Variants in BRCA1 observed in about 807,000 individuals in gnomAD.
The protein encoded by BRCA1 is BRCA1 DNA repair associated, also known as breast cancer type 1 susceptibility protein.
In BRCA1, 140 loss-of-function variants were observed where a neutral mutation model predicts 173.7. The ratio of observed to expected loss-of-function variants is 0.81; its 90% CI spans 0.70 to 0.93. BRCA1 has a LOEUF of 0.93. Among genes scored for constraint, BRCA1 ranks in the 40% least tolerant of loss-of-function variants. BRCA1 has a pLI of 0.00. For missense variants in BRCA1, 1,983 were observed against 2,172.5 expected (o/e 0.91, Z 1.73); for synonymous variants, 662 against 756.0 (o/e 0.88, Z 2.04).
chr17:43,081,214 T>C (rs1476568087), intron 12 of BRCA1, among the ~76,000 whole-genome samples: 1 of 152,210 alleles, frequency 6.6e-6, no homozygotes, highest in East Asian at 1.9e-4. Flanking sequence ...AGAAGAGTAT[T>C]ATACTGGGGA....
At chr17:43,123,323 T>C (rs2055670731) in intron 2 of BRCA1, among the ~76,000 whole-genome samples, 1 of 150,430 alleles carries the variant, frequency 6.6e-6, no homozygotes, top group East Asian at 2.0e-4. Flanking sequence ...CAAATACCTA[T>C]CCTCTCAACG....
chr17:43,084,999 A>G (rs1297096799), intron 11 of BRCA1, among the ~76,000 whole-genome samples: 1 of 152,210 alleles, frequency 6.6e-6, no homozygotes, highest in Non-Finnish European at 1.5e-5. Flanking sequence ...TATTTTTTAT[A>G]ACTTAGACAA....
At chr17:43,163,272 TAAAACTCCAACTGCC>T (rs1489728633) in intron 1 of BRCA1, 2 of 152,244 alleles carry the variant, frequency 1.3e-5, no homozygotes, top group East Asian at 3.8e-4. Flanking sequence ...CAGTATGGGT[TAAAACTCCAACTGCC>T]ATTTTTTCTC....
chr17:43,051,602 T>C (rs976826571), intron 19 of BRCA1, among the ~76,000 whole-genome samples: 2 of 152,122 alleles, frequency 1.3e-5, no homozygotes, highest in Non-Finnish European at 2.9e-5. Flanking sequence ...GGGGTCTATG[T>C]TGATTTTAGG....
intron 11 of BRCA1, among the ~76,000 whole-genome samples, chr17:43,085,777 C>T (rs1480200705): frequency 5.9e-5 from 9 of 152,036 alleles, no homozygotes; most frequent in Admixed American, 2.0e-4. Flanking sequence ...GCAGAGCAGC[C>T]GGAACTGGTC....
At chr17:43,086,394 C>T (rs1215250937) in intron 11 of BRCA1, among the ~76,000 whole-genome samples, 1 of 151,652 alleles carries the variant, frequency 6.6e-6, no homozygotes, top group Non-Finnish European at 1.5e-5. Flanking sequence ...AACAAAAACC[C>T]AGATATCAAT....
At chr17:43,131,236 TTAAAA>T (rs1334828431) in intron 1 of BRCA1, 5 of 360,776 alleles carry the variant, frequency 1.4e-5, no homozygotes, top group Non-Finnish European at 2.4e-5. Context: ...CTGAATAGTA[TTAAAA>T]TAAAATACCT....
chr17:43,047,965 G>A (rs1352506735), intron 21 of BRCA1, among the ~76,000 whole-genome samples: 1 of 151,870 alleles, frequency 6.6e-6, no homozygotes, highest in Non-Finnish European at 1.5e-5. Context: ...GTAGAGACAG[G>A]GTTTTGCCAT....
At chr17:43,105,495 C>G (rs1184143173) in intron 4 of BRCA1, among the ~76,000 whole-genome samples, 6 of 152,162 alleles carry the variant, frequency 3.9e-5, no homozygotes, top group African/African-American at 1.4e-4. Flanking sequence ...CCCACCTCAG[C>G]CTCCTAGAGT....
At chr17:43,114,164 C>T (rs1395871282) in intron 3 of BRCA1, among the ~76,000 whole-genome samples, 1 of 152,042 alleles carries the variant, frequency 6.6e-6, no homozygotes, top group African/African-American at 2.4e-5. Context: ...AACTCCTGGC[C>T]TTAAGTGATC....
intron 17 of BRCA1, 41 bp from the exon 18 acceptor site, chr17:43,063,414 G>A (rs2153570407): frequency 6.5e-7 from 1 of 1,541,398 alleles, no homozygotes; most frequent in Non-Finnish European, 9.0e-7. Flanking sequence ...TACAGCAGAA[G>A]AACGTGCTCT....
chr17:43,058,315 A>G (rs559599400), intron 18 of BRCA1, among the ~76,000 whole-genome samples: 1 of 152,012 alleles, frequency 6.6e-6, no homozygotes, highest in Admixed American at 6.6e-5. Flanking sequence ...TGGAGGCTGC[A>G]GTGAACTGTG....
At chr17:43,066,810 AC>A (rs2052095317) in intron 16 of BRCA1, among the ~76,000 whole-genome samples, 1 of 121,152 alleles carries the variant, frequency 8.3e-6, no homozygotes, top group Non-Finnish European at 1.7e-5. Context: ...CACCCTCCAA[AC>A]CTTTTTTTTT....
chr17:43,127,059 G>A (rs988429689), upstream of BRCA1, among the ~76,000 whole-genome samples: 19 of 152,196 alleles, frequency 1.2e-4, no homozygotes, highest in Non-Finnish European at 2.8e-4. Flanking sequence ...CCCTGCACAG[G>A]GCAAGGCTCA....
intron 11 of BRCA1, among the ~76,000 whole-genome samples, chr17:43,090,521 T>C (rs990386676): frequency 5.9e-5 from 9 of 152,164 alleles, no homozygotes; most frequent in Admixed American, 5.9e-4. Context: ...TTACAAGGCA[T>C]TGGCCACCAC....
chr17:43,067,770 T>C (rs775430301), intron 15 of BRCA1, 75 bp from the exon 16 acceptor site: 2 of 1,136,474 alleles, frequency 1.8e-6, no homozygotes, highest in African/African-American at 1.5e-5. Context: ...TATTCCACCA[T>C]GGCATATGTT....
chr17:43,145,982 A>G (rs1417903744), intron 1 of BRCA1, among the ~76,000 whole-genome samples: 2 of 152,126 alleles, frequency 1.3e-5, no homozygotes, highest in East Asian at 3.9e-4. Flanking sequence ...TTTGTAGTAG[A>G]ATTGTTTCCT....
At chr17:43,117,724 G>A (rs1308457561) in intron 2 of BRCA1, among the ~76,000 whole-genome samples, 2 of 152,074 alleles carry the variant, frequency 1.3e-5, no homozygotes, top group African/African-American at 4.8e-5. Context: ...GGGCGACAGA[G>A]CTGGACTCCA....
At chr17:43,051,638 CTTTT>C (rs1163251551) in intron 19 of BRCA1, among the ~76,000 whole-genome samples, 2 of 141,108 alleles carry the variant, frequency 1.4e-5, no homozygotes, top group African/African-American at 2.6e-5. Flanking sequence ...TCTCCTCTGA[CTTTT>C]TTTTTTTTTT....
Sources: allele counts gnomAD v4.1 joint callset (sites outside exome capture counted in the v4.1 genomes callset), GRCh38; gene constraint gnomAD v4.1.1; transcripts MANE v1.5; gene names NCBI Gene and HGNC (gene_info 2026-07-23, HGNC 2026-07-21).